GNAI3: variants seen among roughly 807,000 people sequenced by gnomAD.
GNAI3 encodes G protein subunit alpha i3.
Under a neutral mutation model 41.8 loss-of-function variants are expected in GNAI3, and 12 were observed. The ratio of observed to expected loss-of-function variants is 0.29; its 90% CI spans 0.18 to 0.47. GNAI3 has a LOEUF of 0.47. Among genes scored for constraint, GNAI3 ranks in the 20% least tolerant of loss-of-function variants. GNAI3 has a pLI of 1.00. For synonymous variants in GNAI3, 132 were observed against 146.5 expected (o/e 0.90, Z 0.71); for missense variants, 360 against 429.6 (o/e 0.84, Z 1.43).
intron 1 of GNAI3, among the ~76,000 whole-genome samples, chr1:109,558,825 T>C (rs1458038492): frequency 6.6e-6 from 1 of 152,148 alleles, no homozygotes; most frequent in African/African-American, 2.4e-5. Flanking sequence ...AGTTTAGTTT[T>C]ATGGCAGGGG....
Position 109,597,744 on chromosome 1 carries a change from A to T in GNAI3, c.*5422A>T, listed in dbSNP as rs2101117096. 6.6e-6 allele frequency: 1 copy of T among 152,366 alleles called. No homozygotes were observed. Among genetic ancestry groups the T allele is most frequent in the South Asian group, 2.1e-4 (1 of 4,832 alleles). The allele number at this position is 152,366 out of a possible 1,614,324, so 9.4% of individuals were successfully genotyped here. ...TTTATTTTACTGCATTTATTTATGC[A>T]GTGAAAATTGAAAGATACACCAAAT... On this transcript the variant is annotated 3_prime_UTR_variant, in exon 9 of 9. Transcript: ENST00000369851.
Position 109,582,506 on chromosome 1 carries a change from G to A in GNAI3, c.531G>A (p.Thr177=), listed in dbSNP as rs573944457. 34 of 1,594,462 alleles carry A rather than the reference G, an allele frequency of 2.1e-5. No homozygotes were observed. The highest frequency in any genetic ancestry group is 1.4e-4 in the South Asian group (13 of 90,676). The part of the protein sequence containing the change: ...YIPTQQDVLR[T]RVKTTGIVET... ...CAACTCAGCAAGATGTTCTTCGGACGAGAGTGAAGACCACAGGCATTGTAG... is the reference window on the plus strand; with the variant it reads ...CAACTCAGCAAGATGTTCTTCGGACAAGAGTGAAGACCACAGGCATTGTAG... The change falls in exon 5 of 9, where the codon ACG becomes ACA. Residue 177 remains threonine (T), a synonymous_variant. Transcript: ENST00000369851.
intron 1 of GNAI3, among the ~76,000 whole-genome samples, chr1:109,573,393 C>T (rs1648657926): frequency 6.6e-6 from 1 of 152,136 alleles, no homozygotes; most frequent in South Asian, 2.1e-4. Context: ...ATAATGATTT[C>T]ATTTTTGCCC....
Position 109,579,231 on chromosome 1 carries a change from G to A in GNAI3, c.331G>A (p.Ala111Thr). The change falls in exon 4 of 9, where the codon GCT becomes ACT. Residue 111 changes from alanine to threonine, a missense_variant. Transcript: ENST00000369851. ...ADDARQLFVLAGSAEEGVMTP... is the reference protein window; with the variant it reads ...ADDARQLFVLTGSAEEGVMTP... ...TGATGCCCGGCAATTATTTGTTTTAGCTGGCAGTGCTGAAGAAGGAGTCAT... is the reference window on the plus strand; with the variant it reads ...TGATGCCCGGCAATTATTTGTTTTAACTGGCAGTGCTGAAGAAGGAGTCAT... 1 of 1,612,666 alleles carries A rather than the reference G, an allele frequency of 6.2e-7. No homozygotes were observed. Among genetic ancestry groups the A allele is most frequent in the Non-Finnish European group, 8.5e-7 (1 of 1,179,236 alleles).
chr1:109,579,792 TAA>T (rs1222215581), intron 4 of GNAI3, among the ~76,000 whole-genome samples: 1 of 152,212 alleles, frequency 6.6e-6, no homozygotes. Context: ...ACTTCACTAG[TAA>T]CCCTTTTGCC....
At chr1:109,590,887 T>C (rs1422797008) in intron 7 of GNAI3, among the ~76,000 whole-genome samples, 1 of 152,166 alleles carries the variant, frequency 6.6e-6, no homozygotes, top group Admixed American at 6.5e-5. Context: ...AGCTCCGTTT[T>C]GTTACCTGGT....
rs1223832566 is a variant in GNAI3, at chr1:109,599,792, G to A, written c.*7470G>A. The A allele has an allele frequency of 1.3e-5, 2 of 152,138 alleles. No individual in the cohort carries two copies. Among genetic ancestry groups the A allele is most frequent in the African/African-American group, 2.4e-5 (1 of 41,422 alleles). The allele number at this position is 152,138 out of a possible 1,614,324, so 9.4% of individuals were successfully genotyped here. A position where few individuals can be genotyped will look rare whatever the true frequency, so the allele number is the denominator to read the frequency against. On this transcript the variant is annotated 3_prime_UTR_variant, in exon 9 of 9. Transcript: ENST00000369851. ...TGTTAAATGTCCACGATTTAGAGACGGCATAATGAAAAAATGACCAAGAAT... is the reference window on the plus strand; with the variant it reads ...TGTTAAATGTCCACGATTTAGAGACAGCATAATGAAAAAATGACCAAGAAT...
intron 7 of GNAI3, 124 bp from the exon 8 acceptor site, chr1:109,591,919 G>T: frequency 1.9e-6 from 1 of 523,876 alleles, no homozygotes; most frequent in Non-Finnish European, 3.4e-6. Context: ...TATAGAAATA[G>T]AGAATTCTAC....
intron 3 of GNAI3, 61 bp from the exon 4 acceptor site, chr1:109,579,142 AC>A: frequency 7.5e-7 from 1 of 1,329,600 alleles, no homozygotes; most frequent in Non-Finnish European, 1.0e-6. Context: ...TTTTAAAGAG[AC>A]TGTCATCAAG....
At chr1:109,577,522 G>A (rs564860246) in intron 3 of GNAI3, among the ~76,000 whole-genome samples, 5 of 152,110 alleles carry the variant, frequency 3.3e-5, no homozygotes, top group Admixed American at 1.3e-4. Context: ...TGATCCACCC[G>A]CCTCGGCCTC....
intron 1 of GNAI3, among the ~76,000 whole-genome samples, chr1:109,555,959 C>CGTGT (rs1290978144): frequency 1.0e-4 from 10 of 96,786 alleles, no homozygotes; most frequent in African/African-American, 3.8e-4. Context: ...GGAGTGCGTG[C>CGTGT]GTGCGTGTGT....
chr1:109,554,079 GGT>G (rs34209492), intron 1 of GNAI3, among the ~76,000 whole-genome samples: 124,585 of 150,236 alleles, frequency 0.83, 51,962 homozygotes, highest in East Asian at 0.99. Flanking sequence ...GGTGTAGAGG[GGT>G]GTGTGTGTGT....
At chr1:109,559,830 T>C (rs1232826817) in intron 1 of GNAI3, among the ~76,000 whole-genome samples, 1 of 152,216 alleles carries the variant, frequency 6.6e-6, no homozygotes, top group South Asian at 2.1e-4. Context: ...ATCAGCTGTA[T>C]CATTTCTGTA....
intron 4 of GNAI3, among the ~76,000 whole-genome samples, chr1:109,580,102 C>T (rs938502431): frequency 3.9e-5 from 6 of 152,242 alleles, no homozygotes; most frequent in Admixed American, 3.3e-4. Context: ...CCCAGGTTCA[C>T]ACCATTCTCC....
chr1:109,568,534 A>G (rs1486199533), intron 1 of GNAI3, among the ~76,000 whole-genome samples: 2 of 152,196 alleles, frequency 1.3e-5, no homozygotes, highest in African/African-American at 4.8e-5. Context: ...TGACAGAGCA[A>G]GACTCTGTCT....
Position 109,598,985 on chromosome 1 carries a change from G to A in GNAI3, c.*6663G>A, listed in dbSNP as rs769711717. 6.5e-5 allele frequency: 35 copies of A among 534,590 alleles called. No homozygotes were observed. Among genetic ancestry groups the A allele is most frequent in the Middle Eastern group, 3.2e-4 (1 of 3,170 alleles). 33.1% of individuals were successfully genotyped at this position (534,590 alleles called of 1,614,324 possible). A position where few individuals can be genotyped will look rare whatever the true frequency, so the allele number is the denominator to read the frequency against. The stretch of plus-strand genomic sequence containing the variant: ...GCATGGCCGGCACACTTTGGTCTAC[G>A]GCACATCTCCAAGTATAGAGTGGGT... On this transcript the variant is annotated 3_prime_UTR_variant, in exon 9 of 9. Transcript: ENST00000369851.
chr1:109,551,274 C>T (rs1193443463), intron 1 of GNAI3, among the ~76,000 whole-genome samples: 3 of 152,198 alleles, frequency 2.0e-5, no homozygotes, highest in African/African-American at 7.2e-5. Flanking sequence ...CATATCATAA[C>T]ACACATAGGA....
chr1:109,578,986 A>C (rs2101104795), intron 3 of GNAI3, among the ~76,000 whole-genome samples: 1 of 152,214 alleles, frequency 6.6e-6, no homozygotes, highest in Admixed American at 6.5e-5. Flanking sequence ...TGGGGAAGTA[A>C]AATCATTCCT....
In GNAI3 at chr1:109,586,340, G is replaced by A. The variant is rs1649031408; in HGVS notation, c.715G>A (p.Glu239Lys). Residue 239 changes from glutamate to lysine, a missense_variant, in exon 6 of 9, where the codon GAG becomes AAG. Physicochemically the swap from Glu to Lys is moderately conservative, Grantham distance 56. Transcript: ENST00000369851. ...TGACCTTGTTCTGGCTGAGGACGAG[G>A]AGATGGTATGTTGGAGCTTCTGGTA... ...DYDLVLAEDE[E>K]MNRMHESMKL... is the part of the protein sequence containing the mutation. 6.2e-7 allele frequency: 1 copy of A among 1,611,710 alleles called. No individual in the cohort carries two copies. The highest frequency in any genetic ancestry group is 8.5e-7 in the Non-Finnish European group (1 of 1,178,906).
Sources: allele counts gnomAD v4.1 joint callset (sites outside exome capture counted in the v4.1 genomes callset), GRCh38; gene constraint gnomAD v4.1.1; transcripts MANE v1.5; gene names NCBI Gene and HGNC (gene_info 2026-07-23, HGNC 2026-07-21).